The following TENM3 variants were observed in gnomAD, a reference collection of about 807,000 sequenced individuals.
TENM3 encodes the protein teneurin transmembrane protein 3, also known as teneurin-3.
Under a neutral mutation model 255.1 loss-of-function variants are expected in TENM3, and 63 were observed. That is an observed-to-expected ratio of 0.25 (90% CI 0.20 to 0.30). TENM3 has a LOEUF of 0.30. Ranked by LOEUF, TENM3 falls within the 10% of genes least tolerant of loss-of-function variation. The pLI is 1.00. For missense variants in TENM3, 2,929 were observed against 3,461.1 expected (o/e 0.85, Z 3.86); for synonymous variants, 1,306 against 1,322.3 (o/e 0.99, Z 0.27).
the TENM3 span, among the ~76,000 whole-genome samples, chr4:181,839,939 T>A: frequency 2.0e-5 from 3 of 151,940 alleles, no homozygotes; most frequent in African/African-American, 7.2e-5. Flanking sequence ...TTTCAATAAG[T>A]CTGAAAAAGT....
chr4:181,530,678 T>C, the TENM3 span, among the ~76,000 whole-genome samples: 2 of 152,324 alleles, frequency 1.3e-5, no homozygotes, highest in South Asian at 2.1e-4. Flanking sequence ...TCTGTAGACA[T>C]GTAATCCTCC....
At chr4:182,251,383 A>G (rs914265322) in intron 1 of TENM3, among the ~76,000 whole-genome samples, 2 of 152,020 alleles carry the variant, frequency 1.3e-5, no homozygotes, top group Non-Finnish European at 2.9e-5. Flanking sequence ...TGGGAGGATC[A>G]CTCGAGCCCA....
intron 3 of TENM3, among the ~76,000 whole-genome samples, chr4:182,516,526 T>TA (rs1737965521): frequency 1.3e-5 from 2 of 152,020 alleles, no homozygotes; most frequent in African/African-American, 2.4e-5. Context: ...TCAAAGTTAT[T>TA]ACGAATTTTT....
the TENM3 span, among the ~76,000 whole-genome samples, chr4:181,943,702 T>C: frequency 7.4e-3 from 1,127 of 152,314 alleles, 16 homozygotes; most frequent in African/African-American, 0.026. Context: ...CCACAGACCG[T>C]AGAAGCAATT....
At chr4:182,218,266 C>G (rs771514569) in intron 1 of TENM3, among the ~76,000 whole-genome samples, 1 of 152,076 alleles carries the variant, frequency 6.6e-6, no homozygotes, top group African/African-American at 2.4e-5. Flanking sequence ...ATCATGGTGG[C>G]CTTAATCTGG....
chr4:181,546,174 G>C, the TENM3 span, among the ~76,000 whole-genome samples: 1 of 152,104 alleles, frequency 6.6e-6, no homozygotes, highest in South Asian at 2.1e-4. Flanking sequence ...CTAGAGGCTT[G>C]TCAACTCAGA....
the TENM3 span, among the ~76,000 whole-genome samples, chr4:182,030,719 G>C: frequency 6.6e-6 from 1 of 151,658 alleles, no homozygotes; most frequent in Non-Finnish European, 1.5e-5. Context: ...AGCATCTGTT[G>C]TTTCCTGACT....
intron 3 of TENM3, among the ~76,000 whole-genome samples, chr4:182,502,503 CCTTTT>C (rs1736413403): frequency 6.6e-6 from 1 of 152,068 alleles, no homozygotes; most frequent in Admixed American, 6.5e-5. Flanking sequence ...CACATTTTCT[CCTTTT>C]CAAGTTTTCA....
At chr4:182,097,511 G>A in the TENM3 span, among the ~76,000 whole-genome samples, 1 of 152,164 alleles carries the variant, frequency 6.6e-6, no homozygotes, top group Non-Finnish European at 1.5e-5. Context: ...TCCCTATGCA[G>A]TGCTTTATGG....
chr4:182,746,685 C>G (rs1762034231), intron 19 of TENM3, among the ~76,000 whole-genome samples: 1 of 152,094 alleles, frequency 6.6e-6, no homozygotes, highest in Non-Finnish European at 1.5e-5. Context: ...GATTGAACAT[C>G]AGATCAATTA....
the TENM3 span, among the ~76,000 whole-genome samples, chr4:181,641,550 GTGTGTATATATATATATATA>G: frequency 0.19 from 9,426 of 48,984 alleles, 697 homozygotes; most frequent in East Asian, 0.33. Flanking sequence ...TCCATGGTGT[GTGTGTATATATATATATATA>G]TATATATATA....
At chr4:182,210,043 C>T (rs374488132) in intron 1 of TENM3, among the ~76,000 whole-genome samples, 103 of 152,260 alleles carry the variant, frequency 6.8e-4, no homozygotes, top group African/African-American at 1.7e-3. Flanking sequence ...CCGCATCCTC[C>T]GCCATGAATC....
At chr4:182,768,808 G>A (rs57591060) in intron 22 of TENM3, among the ~76,000 whole-genome samples, 32,273 of 151,896 alleles carry the variant, frequency 0.21, 3,825 homozygotes, top group African/African-American at 0.29. Context: ...CATCTCATCA[G>A]TGGAAGAGCG....
intron 6 of TENM3, among the ~76,000 whole-genome samples, chr4:182,667,838 T>C (rs1425365276): frequency 6.6e-6 from 1 of 151,952 alleles, no homozygotes; most frequent in Non-Finnish European, 1.5e-5. Context: ...TTAGGAGATA[T>C]ACCTAATGTA....
intron 5 of TENM3, among the ~76,000 whole-genome samples, chr4:182,638,388 AT>A (rs1478201274): frequency 2.6e-5 from 4 of 152,140 alleles, no homozygotes; most frequent in Non-Finnish European, 5.9e-5. Flanking sequence ...CTGTTTGGAG[AT>A]AAGCGTCATG....
chr4:182,703,591 ACT>A (rs1334192563), intron 12 of TENM3, among the ~76,000 whole-genome samples: 2 of 152,186 alleles, frequency 1.3e-5, no homozygotes, highest in African/African-American at 4.8e-5. Flanking sequence ...ATCTTTGCAT[ACT>A]CTCACCTACA....
chr4:181,548,881 T>C, the TENM3 span, among the ~76,000 whole-genome samples: 1 of 152,094 alleles, frequency 6.6e-6, no homozygotes, highest in Non-Finnish European at 1.5e-5. Context: ...GAGGCAAATA[T>C]GCAAGTTAAT....
chr4:182,201,179 A>C (rs536895118), intron 1 of TENM3, among the ~76,000 whole-genome samples: 1 of 152,112 alleles, frequency 6.6e-6, no homozygotes, highest in Admixed American at 6.5e-5. Context: ...ATAACCAGAT[A>C]GTACGTTAGA....
intron 3 of TENM3, chr4:182,449,045 C>T (rs1265105858): frequency 5.4e-6 from 2 of 372,136 alleles, no homozygotes; most frequent in Non-Finnish European, 1.1e-5. Flanking sequence ...GCGCTGGGCT[C>T]GGTTCCTCAC....
Sources: allele counts gnomAD v4.1 joint callset (sites outside exome capture counted in the v4.1 genomes callset), GRCh38; gene constraint gnomAD v4.1.1; transcripts MANE v1.5; gene names NCBI Gene and HGNC (gene_info 2026-07-23, HGNC 2026-07-21).